The following CDH13 variants were observed in gnomAD, a reference collection of about 807,000 sequenced individuals.
CDH13 encodes the protein cadherin-13.
Under a neutral mutation model 63.8 loss-of-function variants are expected in CDH13, and 24 were observed. That is an observed-to-expected ratio of 0.38 (90% CI 0.27 to 0.53). The LOEUF (loss-of-function observed/expected upper bound fraction) is 0.53, where lower values mean the gene tolerates loss of function less well. Among genes scored for constraint, CDH13 ranks in the 20% least tolerant of loss-of-function variants. CDH13 has a pLI of 0.85. For missense variants in CDH13, 1,049 were observed against 903.1 expected, an observed-to-expected ratio of 1.16 and a Z score of -2.07; for synonymous variants, 503 against 355.3, an observed-to-expected ratio of 1.42 and a Z score of -4.67.
At chr16:83,531,212 G>C (rs1304378267) in intron 7 of CDH13, among the ~76,000 whole-genome samples, 1 of 152,136 alleles carries the variant, frequency 6.6e-6, no homozygotes, top group Non-Finnish European at 1.5e-5. Context: ...TCTTGACTTT[G>C]TCTGTTTACA....
At chr16:82,785,410 G>T (rs555933216) in intron 1 of CDH13, among the ~76,000 whole-genome samples, 1 of 152,196 alleles carries the variant, frequency 6.6e-6, no homozygotes, top group African/African-American at 2.4e-5. Flanking sequence ...TGGATGTTCA[G>T]TGGAGCTCAA....
At chr16:83,435,351 T>A (rs1040618501) in intron 6 of CDH13, among the ~76,000 whole-genome samples, 7 of 152,136 alleles carry the variant, frequency 4.6e-5, no homozygotes, top group Admixed American at 4.6e-4. Context: ...GCCCCCTATT[T>A]GACATATTTT....
chr16:83,260,097 T>TACAC (rs61647390), intron 5 of CDH13, among the ~76,000 whole-genome samples: 20,685 of 126,350 alleles, frequency 0.16, 2,059 homozygotes, highest in Non-Finnish European at 0.21. Flanking sequence ...GTACCCCCAA[T>TACAC]ACACACACAC....
rs1010505914 is a variant in CDH13, at chr16:83,537,311, A to G, written c.960+50656A>G. The stretch of plus-strand genomic sequence containing the variant: ...CAATGAATTGGCTGATCTATGCACA[A>G]AAATTTGTCCTGCTATATTTCTTTC... On this transcript the variant is annotated intron_variant, in intron 7 of 13. Coordinates refer to ENST00000567109, the MANE Select transcript of CDH13 (RefSeq NM_001257.5). Among the ~76,000 whole-genome samples, 9 of 152,338 alleles carry G rather than the reference A, an allele frequency of 5.9e-5. No homozygotes were observed. In the East Asian group the frequency reaches 1.7e-3, roughly 29 times the overall value.
chr16:83,625,422 C>A (rs143053611), intron 8 of CDH13, among the ~76,000 whole-genome samples: 1 of 152,108 alleles, frequency 6.6e-6, no homozygotes, highest in South Asian at 2.1e-4. Context: ...CATTTGATTT[C>A]TTCAGGTCCA....
At chr16:83,430,801 A>C (rs994793260) in intron 6 of CDH13, among the ~76,000 whole-genome samples, 5 of 152,002 alleles carry the variant, frequency 3.3e-5, no homozygotes, top group African/African-American at 4.8e-5. Flanking sequence ...TTTCTTGTCT[A>C]CTTTAATCTA....
intron 6 of CDH13, among the ~76,000 whole-genome samples, chr16:83,355,339 GC>G (rs2151379523): frequency 6.6e-6 from 1 of 152,282 alleles, no homozygotes; most frequent in African/African-American, 2.4e-5. Flanking sequence ...AATACTGTAA[GC>G]CTTAATAGGT....
chr16:82,815,114 C>T (rs557791739), intron 1 of CDH13, among the ~76,000 whole-genome samples: 1 of 152,158 alleles, frequency 6.6e-6, no homozygotes, highest in African/African-American at 2.4e-5. Context: ...CTGAAAACAT[C>T]GTTCATGACC....
At chr16:83,759,350 A>T (rs778178360) in intron 11 of CDH13, among the ~76,000 whole-genome samples, 1 of 152,198 alleles carries the variant, frequency 6.6e-6, no homozygotes, top group South Asian at 2.1e-4. Flanking sequence ...CATATTTTTT[A>T]AAATGCATCC....
chr16:82,678,558 G>A (rs778211213), intron 1 of CDH13, among the ~76,000 whole-genome samples: 13 of 152,200 alleles, frequency 8.5e-5, no homozygotes, highest in East Asian at 5.8e-4. Context: ...TTCTCCGGAT[G>A]AGGAAGCTTG....
At chr16:83,342,349 A>T (rs903230279) in intron 5 of CDH13, among the ~76,000 whole-genome samples, 3 of 152,160 alleles carry the variant, frequency 2.0e-5, no homozygotes. Context: ...CTTTTCTGCT[A>T]ACCACTGGAT....
At chr16:83,032,312 C>CTT in intron 3 of CDH13, 94 bp downstream of exon 3, 1 of 899,104 alleles carries the variant, frequency 1.1e-6, no homozygotes, top group South Asian at 1.9e-5. Flanking sequence ...ATTATGTTGG[C>CTT]TAAGATTCCT....
At chr16:82,856,327 A>T (rs904420403) in intron 1 of CDH13, among the ~76,000 whole-genome samples, 2 of 149,166 alleles carry the variant, frequency 1.3e-5, no homozygotes, top group East Asian at 2.0e-4. Context: ...GTGAGCAGAG[A>T]TCATGCCACT....
chr16:83,358,800 C>G (rs980507220), intron 6 of CDH13, among the ~76,000 whole-genome samples: 13 of 152,064 alleles, frequency 8.5e-5, no homozygotes, highest in African/African-American at 3.1e-4. Flanking sequence ...AGAGTTCCTT[C>G]CAGAAAGCAT....
intron 1 of CDH13, among the ~76,000 whole-genome samples, chr16:82,829,051 A>C (rs1489324712): frequency 6.6e-6 from 1 of 152,146 alleles, no homozygotes; most frequent in Non-Finnish European, 1.5e-5. Flanking sequence ...GAATTCATGG[A>C]TATGAAACAA....
intron 1 of CDH13, among the ~76,000 whole-genome samples, chr16:82,671,563 C>T (rs779146127): frequency 3.9e-5 from 6 of 152,180 alleles, no homozygotes; most frequent in African/African-American, 4.8e-5. Context: ...AATTTACTAA[C>T]CTAGTCTTCA....
At chr16:83,632,301 A>C (rs1424113734) in intron 8 of CDH13, among the ~76,000 whole-genome samples, 1 of 90,010 alleles carries the variant, frequency 1.1e-5, no homozygotes, top group Non-Finnish European at 2.4e-5. Flanking sequence ...GATGACTCCT[A>C]ATTTCAGTCA....
At position 83,032,124 on chromosome 16, in the gene CDH13, G is replaced by A. The variant is rs866019796; in HGVS notation, c.272G>A (p.Gly91Asp). 6.2e-7 allele frequency: 1 copy of A among 1,613,264 alleles called. No individual in the cohort carries two copies. The highest frequency in any genetic ancestry group is 8.5e-7 in the Non-Finnish European group (1 of 1,179,696). ...LVALRNITAVGKTLFVHARTP... is the reference protein window; with the variant it reads ...LVALRNITAVDKTLFVHARTP... ...GCTCTGAGAAACATAACTGCAGTGG[G>A]CAAAACTCTGTTCGTCCATGCACGG... is the stretch of plus-strand genomic sequence containing the variant. The change falls in exon 3 of 14, where the codon GGC (glycine) becomes GAC (aspartate). Residue 91 changes from glycine (G) to aspartate (D), a missense_variant. Coordinates refer to ENST00000567109, the MANE Select transcript of CDH13 (RefSeq NM_001257.5).
intron 3 of CDH13, among the ~76,000 whole-genome samples, chr16:83,068,683 C>T (rs1315945800): frequency 6.6e-6 from 1 of 152,092 alleles, no homozygotes; most frequent in Non-Finnish European, 1.5e-5. Flanking sequence ...AAAATATGCC[C>T]CACAGCTCTG....
Sources: allele counts gnomAD v4.1 joint callset (sites outside exome capture counted in the v4.1 genomes callset), GRCh38; gene constraint gnomAD v4.1.1; transcripts MANE v1.5; gene names NCBI Gene and HGNC (gene_info 2026-07-23, HGNC 2026-07-21).